FYN: variants seen among roughly 807,000 people sequenced by gnomAD.
The protein encoded by FYN is FYN proto-oncogene, Src family tyrosine kinase, also known as tyrosine-protein kinase Fyn.
A neutral mutation model predicts 70.2 loss-of-function variants in FYN; 10 were observed. That is an observed-to-expected ratio of 0.14 (90% CI 0.09 to 0.24). The LOEUF is 0.24. Among genes scored for constraint, FYN ranks in the 10% least tolerant of loss-of-function variants. The pLI, the probability that FYN is intolerant of heterozygous loss-of-function variation, is 1.00. For missense variants in FYN, 319 were observed against 673.1 expected (o/e 0.47, Z 5.82); for synonymous variants, 236 against 248.6 (o/e 0.95, Z 0.48).
rs541596113 is a variant in FYN, at chr6:111,702,776, A to G, written c.697+109T>C. The stretch of plus-strand genomic sequence containing the variant: ...AGGGCTGGCAAAGAAAACATACTCT[A>G]TAAGTGATTTTGTACATATTAGTTT... On this transcript the variant is annotated intron_variant, in intron 8 of 13. Coordinates refer to ENST00000354650, the MANE Select transcript of FYN (RefSeq NM_002037.5). 60 of 1,077,454 alleles carry G rather than the reference A, an allele frequency of 5.6e-5. 1 individual carries two copies. The Middle Eastern group carries it at 1.3e-3, about 23-fold the overall frequency. The allele number at this position is 1,077,454 out of a possible 1,614,324, so 66.7% of individuals were successfully genotyped here. A position where few individuals can be genotyped will look rare whatever the true frequency, so the allele number is the denominator to read the frequency against.
chr6:111,688,620 C>T (rs1328517313), intron 12 of FYN, among the ~76,000 whole-genome samples: 1 of 152,160 alleles, frequency 6.6e-6, no homozygotes, highest in Admixed American at 6.5e-5. Context: ...CAGCCGTGCC[C>T]ACGCAGCGTG....
intron 3 of FYN, among the ~76,000 whole-genome samples, chr6:111,779,144 TTTG>T: frequency 6.7e-6 from 1 of 149,896 alleles, no homozygotes; most frequent in African/African-American, 2.5e-5. Context: ...TTTTTTTTTT[TTTG>T]CTAGCAGGGG....
At chr6:111,738,190 A>G (rs935883845) in intron 3 of FYN, among the ~76,000 whole-genome samples, 3 of 152,210 alleles carry the variant, frequency 2.0e-5, no homozygotes, top group Non-Finnish European at 2.9e-5. Context: ...TTACATTACT[A>G]GTGAAGATGA....
chr6:111,828,849 C>T (rs1231808084), intron 2 of FYN, among the ~76,000 whole-genome samples: 1 of 152,222 alleles, frequency 6.6e-6, no homozygotes, highest in Non-Finnish European at 1.5e-5. Context: ...ACACTTAACA[C>T]AACTGAATTG....
At chr6:111,720,815 G>A (rs180756576) in intron 3 of FYN, among the ~76,000 whole-genome samples, 22 of 152,102 alleles carry the variant, frequency 1.4e-4, no homozygotes, top group African/African-American at 5.3e-4. Context: ...CCATGTTACA[G>A]AGTTAGTGGC....
chr6:111,694,978 C>T lies in FYN; in HGVS notation c.1043-274G>A, dbSNP rs1209279918. Among the ~76,000 whole-genome samples the T allele has an allele frequency of 6.6e-6, 1 of 152,192 alleles. No homozygotes were observed. Among genetic ancestry groups the T allele is most frequent in the African/African-American group, 2.4e-5 (1 of 41,448 alleles). On this transcript the variant is annotated intron_variant, in intron 10 of 13. Coordinates refer to ENST00000354650, the MANE Select transcript of FYN (RefSeq NM_002037.5). The surrounding 1 kb of genome is among the most constrained non-coding windows in gnomAD (Gnocchi z 5.0). ...AACTAGAAGAAATGGGACTCAATCT[C>T]CCTGTATGTCATAAAGAGGAACCTA...
At chr6:111,819,279 A>G (rs991298021) in intron 2 of FYN, among the ~76,000 whole-genome samples, 2 of 152,230 alleles carry the variant, frequency 1.3e-5, no homozygotes, top group Non-Finnish European at 2.9e-5. Flanking sequence ...TTTAGTGCAG[A>G]TAAAATAAAA....
chr6:111,787,759 G>C (rs1771454129), intron 2 of FYN, among the ~76,000 whole-genome samples: 1 of 152,176 alleles, frequency 6.6e-6, no homozygotes, highest in South Asian at 2.1e-4. Flanking sequence ...ATGAAGATGA[G>C]AGGAGCTACT....
chr6:111,736,761 C>A (rs1198482835), intron 3 of FYN, among the ~76,000 whole-genome samples: 1 of 152,182 alleles, frequency 6.6e-6, no homozygotes, highest in Admixed American at 6.5e-5. Context: ...CAGGTTTATT[C>A]CTTAATCTGG....
At chr6:111,824,178 A>G (rs145999054) in intron 2 of FYN, among the ~76,000 whole-genome samples, 1 of 152,358 alleles carries the variant, frequency 6.6e-6, no homozygotes, top group African/African-American at 2.4e-5. Context: ...CATCTTTTGC[A>G]AGATGTGAAG....
rs191680402 is a variant in FYN, at chr6:111,781,592, C to T, written c.-81-957G>A. 2.0e-5 allele frequency among the ~76,000 whole-genome samples: 3 copies of T among 152,328 alleles called. No homozygotes were observed. In the East Asian group the frequency reaches 5.8e-4, roughly 29 times the overall value. ...CCCCAGCTTTTCGACATTATCCTAT[C>T]AAATGCTGTAACGCCCAGAGGCCTG... On this transcript the variant is annotated intron_variant, in intron 2 of 13. Coordinates refer to ENST00000354650, the MANE Select transcript of FYN (RefSeq NM_002037.5).
chr6:111,715,747 A>T (rs1031321190), intron 4 of FYN, among the ~76,000 whole-genome samples: 7 of 152,194 alleles, frequency 4.6e-5, no homozygotes, highest in African/African-American at 1.7e-4. Flanking sequence ...AGCCCAGCCA[A>T]CGTACCTTGA....
intron 1 of FYN, among the ~76,000 whole-genome samples, chr6:111,852,555 T>A (rs569335373): frequency 1.3e-5 from 2 of 152,120 alleles, no homozygotes; most frequent in Admixed American, 6.5e-5. Flanking sequence ...AACTTACAAA[T>A]GTTTATATGT....
intron 2 of FYN, among the ~76,000 whole-genome samples, chr6:111,795,161 C>A (rs1480462965): frequency 5.3e-5 from 8 of 151,706 alleles, no homozygotes; most frequent in Non-Finnish European, 5.9e-5. Context: ...AAACCCTAAA[C>A]CCTAGCACAC....
At chr6:111,768,317 G>A (rs11153317) in intron 3 of FYN, among the ~76,000 whole-genome samples, 49,741 of 152,100 alleles carry the variant, frequency 0.33, 9,063 homozygotes, top group Admixed American at 0.47. Context: ...TGTTTACTGA[G>A]TGAATGAATG....
chr6:111,798,411 G>C (rs1771886928), intron 2 of FYN: 1 of 152,218 alleles, frequency 6.6e-6, no homozygotes, highest in South Asian at 2.1e-4. Flanking sequence ...CCCAGGATGA[G>C]ATGACACATT....
intron 3 of FYN, among the ~76,000 whole-genome samples, chr6:111,743,650 G>A (rs1802082514): frequency 6.6e-6 from 1 of 152,210 alleles, no homozygotes; most frequent in African/African-American, 2.4e-5. Context: ...AGATAAGTGG[G>A]AAAGAAGGAA....
intron 3 of FYN, among the ~76,000 whole-genome samples, chr6:111,749,652 C>A (rs555905318): frequency 9.9e-5 from 15 of 152,278 alleles, no homozygotes; most frequent in African/African-American, 3.4e-4. Context: ...CTGCATCTCC[C>A]AGGCAAATTA....
At chr6:111,701,565 T>C (rs370105175) in intron 8 of FYN, among the ~76,000 whole-genome samples, 2 of 152,114 alleles carry the variant, frequency 1.3e-5, no homozygotes, top group Non-Finnish European at 2.9e-5. Flanking sequence ...GGATTTTTTT[T>C]CCCCGAGATT....
Sources: allele counts gnomAD v4.1 joint callset (sites outside exome capture counted in the v4.1 genomes callset), GRCh38; gene constraint gnomAD v4.1.1; non-coding constraint Gnocchi (gnomAD v3.1); transcripts MANE v1.5; gene names NCBI Gene and HGNC (gene_info 2026-07-23, HGNC 2026-07-21).